Variants in SH3GL1 observed in about 807,000 individuals in gnomAD.
SH3GL1 encodes the protein SH3 domain containing GRB2 like 1, endophilin A2, also known as endophilin-A2.
A neutral mutation model predicts 48.8 loss-of-function variants in SH3GL1; 21 were observed. The observed-to-expected ratio is 0.43, with a 90% CI of 0.30 to 0.62. The LOEUF (loss-of-function observed/expected upper bound fraction) is 0.62, where lower values mean the gene tolerates loss of function less well. Ranked by LOEUF, SH3GL1 falls within the 20% of genes least tolerant of loss-of-function variation. SH3GL1 has a pLI of 0.11. For missense variants in SH3GL1, 454 were observed against 503.0 expected (o/e 0.90, Z 0.93); for synonymous variants, 282 against 217.5 (o/e 1.30, Z -2.61).
At chr19:4,371,632 G>A (rs1972903273) in intron 1 of SH3GL1, among the ~76,000 whole-genome samples, 1 of 152,248 alleles carries the variant, frequency 6.6e-6, no homozygotes, top group African/African-American at 2.4e-5. Context: ...CTGCAGGGAT[G>A]CGCCACATTT....
chr19:4,392,215 G>T (rs1973350026), intron 1 of SH3GL1, among the ~76,000 whole-genome samples: 1 of 152,138 alleles, frequency 6.6e-6, no homozygotes, highest in African/African-American at 2.4e-5. Context: ...AAGGTGAAGG[G>T]GTTATGAACC....
chr19:4,369,874 C>A (rs1972860764), intron 1 of SH3GL1, among the ~76,000 whole-genome samples: 1 of 152,242 alleles, frequency 6.6e-6, no homozygotes. Flanking sequence ...CTCTCCAAGG[C>A]TTATGGGCTA....
intron 1 of SH3GL1, among the ~76,000 whole-genome samples, chr19:4,392,564 ACAC>A (rs1568422037): frequency 3.7e-3 from 480 of 128,216 alleles, no homozygotes; most frequent in African/African-American, 0.014. Flanking sequence ...ACACACACAC[ACAC>A]ACAAAAGATC....
chr19:4,363,846 C>G lies in SH3GL1; in HGVS notation c.498G>C (p.Leu166=). 1 of 1,613,030 alleles carries G rather than the reference C, an allele frequency of 6.2e-7. No homozygotes were observed. Among genetic ancestry groups the G allele is most frequent in the Non-Finnish European group, 8.5e-7 (1 of 1,180,036 alleles). The part of the protein sequence containing the change: ...HHLKKLEGRR[L]DFDYKKKRQG... ...GCCGCTTCTTCTTGTAGTCAAAGTC[C>G]AGGCGGCGGCCCTCCAGTTTCTTCA... Residue 166 remains leucine (L), a synonymous_variant, in exon 6 of 10, where the codon CTG becomes CTC. Transcript: ENST00000269886.
chr19:4,365,014 C>T (rs1972740687), intron 4 of SH3GL1, among the ~76,000 whole-genome samples: 1 of 151,646 alleles, frequency 6.6e-6, no homozygotes, highest in African/African-American at 2.4e-5. Context: ...CTTGGCCTCC[C>T]AAAGTGTTGG....
intron 4 of SH3GL1, 64 bp from the exon 5 acceptor site, chr19:4,364,285 T>G: frequency 3.8e-6 from 6 of 1,598,278 alleles, no homozygotes; most frequent in Non-Finnish European, 5.1e-6. Context: ...GAGACACTCC[T>G]CAGCCTTTGT....
In SH3GL1 at chr19:4,371,005, G is replaced by A. The variant is rs541874226; in HGVS notation, c.46-4011C>T. Among the ~76,000 whole-genome samples, 10 of 152,354 alleles carry A rather than the reference G, an allele frequency of 6.6e-5. No individual in the cohort carries two copies. In the South Asian group the frequency reaches 8.3e-4, roughly 13 times the overall value. ...CACCTGCACCCGCCACCTGCATGCC[G>A]CATGGATTTTCTGCCTGACCCTGTA... is the stretch of plus-strand genomic sequence containing the variant. On this transcript the variant is annotated intron_variant, in intron 1 of 9. Transcript: ENST00000269886.
intron 1 of SH3GL1, among the ~76,000 whole-genome samples, chr19:4,397,012 A>G (rs1175953510): frequency 1.3e-5 from 2 of 152,244 alleles, no homozygotes; most frequent in African/African-American, 4.8e-5. Flanking sequence ...GTGAGAACTC[A>G]ATAAATGTTT....
intron 1 of SH3GL1, among the ~76,000 whole-genome samples, chr19:4,388,765 C>T (rs954018538): frequency 3.3e-5 from 5 of 152,338 alleles, no homozygotes; most frequent in African/African-American, 4.8e-5. Context: ...GGGAAGCAGG[C>T]GTCTGGGCTT....
intron 1 of SH3GL1, among the ~76,000 whole-genome samples, chr19:4,386,935 TTTC>T (rs1356394547): frequency 4.6e-5 from 7 of 152,098 alleles, no homozygotes; most frequent in Non-Finnish European, 8.8e-5. Context: ...CCCTTCTGTA[TTTC>T]TTTTTCTTTT....
chr19:4,391,080 G>C (rs996839454), intron 1 of SH3GL1, among the ~76,000 whole-genome samples: 2 of 152,198 alleles, frequency 1.3e-5, no homozygotes, highest in African/African-American at 4.8e-5. Context: ...AGGTCTGAGC[G>C]GGACGGGCCT....
Position 4,400,422 on chromosome 19 carries a change from G to C in SH3GL1, c.-54C>G. 1.3e-6 allele frequency: 2 copies of C among 1,500,344 alleles called. No homozygotes were observed. The highest frequency in any genetic ancestry group is 8.9e-7 in the Non-Finnish European group (1 of 1,129,376). The allele number at this position is 1,500,344 out of a possible 1,614,324, so 92.9% of individuals were successfully genotyped here. On this transcript the variant is annotated 5_prime_UTR_variant, in exon 1 of 10. Coordinates refer to ENST00000269886, the MANE Select transcript of SH3GL1 (RefSeq NM_003025.4). This position sits in a 1 kb window ranked among gnomAD's most constrained non-coding sequence, Gnocchi z 4.1. ...CGGACCGCGCCAGCGACAGGCTCCC[G>C]GGCGCCGCCGACCCTCTGCGCGCCT...
At chr19:4,365,404 G>C (rs1245917292) in intron 4 of SH3GL1, 78 bp downstream of exon 4, 3 of 1,587,544 alleles carry the variant, frequency 1.9e-6, no homozygotes, top group Non-Finnish European at 2.6e-6. Flanking sequence ...AGCACATGCA[G>C]GGCCTGGACC....
intron 1 of SH3GL1, among the ~76,000 whole-genome samples, chr19:4,386,369 C>G (rs903796393): frequency 6.6e-6 from 1 of 152,122 alleles, no homozygotes; most frequent in African/African-American, 2.4e-5. Flanking sequence ...CCCGAAATGA[C>G]AGCAGAAAAA....
At chr19:4,390,044 C>T (rs1973307419) in intron 1 of SH3GL1, 1 of 152,352 alleles carries the variant, frequency 6.6e-6, no homozygotes, top group Non-Finnish European at 1.5e-5. Context: ...GGTGCTTCGT[C>T]CCCTTACCCA....
Position 4,367,672 on chromosome 19 carries a change from T to TA in SH3GL1, c.46-679dup, listed in dbSNP as rs1193738515. On this transcript the variant is annotated intron_variant, in intron 1 of 9. Coordinates refer to ENST00000269886, the MANE Select transcript of SH3GL1 (RefSeq NM_003025.4). The surrounding 1 kb of genome is among the most constrained non-coding windows in gnomAD (Gnocchi z 4.2). ...GAAAGCGATGACAATGACAGGCACT[T>TA]ACAGCGTCTTTCCTCGTGTGGTGGG... Among the ~76,000 whole-genome samples, 3 of 152,182 alleles carry TA rather than the reference T, an allele frequency of 2.0e-5. No individual in the cohort carries two copies. Among genetic ancestry groups the TA allele is most frequent in the Non-Finnish European group, 4.4e-5 (3 of 68,008 alleles).
intron 4 of SH3GL1, 139 bp downstream of exon 4, chr19:4,365,343 G>T: frequency 8.5e-7 from 1 of 1,173,392 alleles, no homozygotes. Flanking sequence ...GCAGTCTCCT[G>T]CACCTCTGCA....
rs1972605454 is a variant in SH3GL1 at position 4,361,368 on chromosome 19, G to A, written c.*232C>T. On this transcript the variant is annotated 3_prime_UTR_variant, in exon 10 of 10. Transcript: ENST00000269886. The stretch of plus-strand genomic sequence containing the variant: ...CTGGCGCCATGGAGTGGGGAAGGGA[G>A]CCGTCACCGTTGGGAGTCAGCGCTA... 1.9e-6 allele frequency: 1 copy of A among 540,142 alleles called. No homozygotes were observed. The highest frequency in any genetic ancestry group is 3.3e-5 in the Admixed American group (1 of 30,022). 33.5% of individuals were successfully genotyped at this position (540,142 alleles called of 1,614,324 possible). A position where few individuals can be genotyped will look rare whatever the true frequency, so the allele number is the denominator to read the frequency against.
In SH3GL1 at chr19:4,396,731, G is replaced by A. The variant is rs182904642; in HGVS notation, c.45+3593C>T. Among the ~76,000 whole-genome samples, 121 of 152,140 alleles carry A rather than the reference G, an allele frequency of 8.0e-4. 2 individuals carry two copies. The highest frequency in any genetic ancestry group is 6.8e-3 in the Middle Eastern group (2 of 294). The stretch of plus-strand genomic sequence containing the variant: ...ACATTTGGGGCCAGGTAATTCTTGG[G>A]GGCAGTGGGGAGATGCTGCCCTGGG... On this transcript the variant is annotated intron_variant, in intron 1 of 9. Coordinates refer to ENST00000269886, the MANE Select transcript of SH3GL1 (RefSeq NM_003025.4).
Sources: allele counts gnomAD v4.1 joint callset (sites outside exome capture counted in the v4.1 genomes callset), GRCh38; gene constraint gnomAD v4.1.1; non-coding constraint Gnocchi (gnomAD v3.1); transcripts MANE v1.5; gene names NCBI Gene and HGNC (gene_info 2026-07-23, HGNC 2026-07-21).